The following TOR1AIP2 variants were observed in gnomAD, a reference collection of about 807,000 sequenced individuals.
TOR1AIP2 encodes torsin-1A-interacting protein 2.
In TOR1AIP2, 20 loss-of-function variants were observed where a neutral mutation model predicts 32.6. That is an observed-to-expected ratio of 0.61 (90% CI 0.43 to 0.89). The LOEUF (loss-of-function observed/expected upper bound fraction) is 0.89. TOR1AIP2 is among the 40% of genes least tolerant of loss of function. TOR1AIP2 has a pLI of 0.00. For missense variants in TOR1AIP2, 456 were observed against 553.8 expected (o/e 0.82, Z 1.77); for synonymous variants, 214 against 210.8 (o/e 1.02, Z -0.13).
intron 2 of TOR1AIP2, chr1:179,875,490 TTA>T (rs1279053648): frequency 6.6e-6 from 1 of 152,146 alleles, no homozygotes; most frequent in East Asian, 1.9e-4. Context: ...ACAGCTTCAT[TTA>T]TATAATTAAA....
rs1383987893 is a variant in TOR1AIP2, at chr1:179,846,625, C to A, written c.859G>T (p.Ala287Ser). ...GRKFLQKHLN[A>S]SNPTEPATII... ...GTGGCTGGCTCAGTGGGGTTGGAAG[C>A]ATTGAGGTGCTTCTGGAGAAACTTC... The change falls in exon 7 of 7, where the codon GCT becomes TCT. Residue 287 changes from alanine to serine, a missense_variant. Physicochemically the swap from Ala to Ser is moderately conservative, Grantham distance 99 (BLOSUM62 1). Coordinates refer to ENST00000609928, the MANE Select transcript of TOR1AIP2 (RefSeq NM_001199260.2). 1 of 1,614,062 alleles carries A rather than the reference C, an allele frequency of 6.2e-7. No homozygotes were observed. Among genetic ancestry groups the A allele is most frequent in the Admixed American group, 1.7e-5 (1 of 60,018 alleles).
chr1:179,850,713 G>T, intron 5 of TOR1AIP2, 132 bp downstream of exon 5: 1 of 1,103,264 alleles, frequency 9.1e-7, no homozygotes, highest in Non-Finnish European at 1.3e-6. Flanking sequence ...GTGTGAGCTT[G>T]GGCAAGGCCC....
chr1:179,875,689 C>A (rs1357286252), intron 2 of TOR1AIP2: 5 of 151,082 alleles, frequency 3.3e-5, no homozygotes, highest in Non-Finnish European at 5.9e-5. Context: ...ATTATGTGCA[C>A]AGTTCATACC....
rs1160751801 is a variant in TOR1AIP2, at chr1:179,843,761, C to T, written c.*2310G>A. ...GCTTGAGCCCAGGAGTTTAAAGCTA[C>T]AGTGAGCTATGATCAAGCCACAGCA... On this transcript the variant is annotated 3_prime_UTR_variant, in exon 7 of 7. Coordinates refer to ENST00000609928, the MANE Select transcript of TOR1AIP2 (RefSeq NM_001199260.2). The T allele has an allele frequency of 7.7e-6, 1 of 129,834 alleles. No homozygotes were observed. The highest frequency in any genetic ancestry group is 1.5e-5 in the Non-Finnish European group (1 of 65,208). 8.0% of individuals were successfully genotyped at this position (129,834 alleles called of 1,614,324 possible).
In TOR1AIP2 at chr1:179,865,538, G is replaced by A. The variant is rs1413916241; in HGVS notation, c.-249C>T. ...ATATTTTTCTTATGCGTCATCAGCT[G>A]CTGGTGGTGTCACACAGAGGCACTT... is the stretch of plus-strand genomic sequence containing the variant. On this transcript the variant is annotated 5_prime_UTR_variant, in exon 3 of 7. Transcript: ENST00000609928. 1 of 183,760 alleles carries A rather than the reference G, an allele frequency of 5.4e-6. No homozygotes were observed. The allele number at this position is 183,760 out of a possible 1,614,324, so 11.4% of individuals were successfully genotyped here.
At chr1:179,871,941 G>GA (rs1179042860) in intron 2 of TOR1AIP2, among the ~76,000 whole-genome samples, 5 of 152,090 alleles carry the variant, frequency 3.3e-5, no homozygotes, top group Non-Finnish European at 5.9e-5. Flanking sequence ...AATGCTCCTG[G>GA]AAAAAAGTCA....
At chr1:179,849,540 A>G (rs2148426468) in intron 5 of TOR1AIP2, among the ~76,000 whole-genome samples, 2 of 152,278 alleles carry the variant, frequency 1.3e-5, no homozygotes, top group South Asian at 2.1e-4. Context: ...AGATTTTTTT[A>G]AACAATATTT....
In TOR1AIP2 at chr1:179,846,401, A is replaced by C. The variant is rs143853678; in HGVS notation, c.1083T>G (p.Ala361=). The change falls in exon 7 of 7, where the codon GCT becomes GCG. Residue 361 remains alanine, a synonymous_variant. Transcript: ENST00000609928. The part of the protein sequence containing the change: ...LSYGFENGQK[A]AVVHHFESFP... The stretch of plus-strand genomic sequence containing the variant: ...AGGATTCGAAGTGGTGTACCACAGC[A>C]GCCTTCTGGCCATTCTCAAACCCAT... 16 of 1,614,096 alleles carry C rather than the reference A, an allele frequency of 9.9e-6. No homozygotes were observed. Among genetic ancestry groups the C allele is most frequent in the Admixed American group, 1.7e-5 (1 of 60,014 alleles).
chr1:179,870,410 A>G (rs1385094129), intron 2 of TOR1AIP2, among the ~76,000 whole-genome samples: 1 of 152,034 alleles, frequency 6.6e-6, no homozygotes, highest in African/African-American at 2.4e-5. Context: ...AAAAAAAAAA[A>G]AATTTTTTTT....
chr1:179,854,378 T>C (rs949684770), intron 3 of TOR1AIP2, among the ~76,000 whole-genome samples: 1 of 152,148 alleles, frequency 6.6e-6, no homozygotes, highest in East Asian at 1.9e-4. Flanking sequence ...CTCAAAACCA[T>C]TGATGCCAAT....
At chr1:179,849,547 A>AT (rs1167218469) in intron 5 of TOR1AIP2, among the ~76,000 whole-genome samples, 1 of 152,088 alleles carries the variant, frequency 6.6e-6, no homozygotes, top group African/African-American at 2.4e-5. Context: ...TTTAAACAAT[A>AT]TTTTTTCTAC....
At chr1:179,847,471 G>T in intron 6 of TOR1AIP2, 64 bp downstream of exon 6, 1 of 1,064,970 alleles carries the variant, frequency 9.4e-7, no homozygotes, top group South Asian at 1.3e-5. Flanking sequence ...TAGTTTTCTA[G>T]GCATTTTCAC....
At chr1:179,854,281 T>A (rs1358724049) in intron 3 of TOR1AIP2, among the ~76,000 whole-genome samples, 3 of 151,904 alleles carry the variant, frequency 2.0e-5, no homozygotes, top group Non-Finnish European at 4.4e-5. Context: ...AACACAACTT[T>A]AGAGAGAAAA....
chr1:179,876,629 C>T (rs1268815391), intron 2 of TOR1AIP2, among the ~76,000 whole-genome samples: 1 of 149,530 alleles, frequency 6.7e-6, no homozygotes, highest in Non-Finnish European at 1.5e-5. Context: ...CTTTTATATC[C>T]TCATCTTGTG....
chr1:179,846,700 A>G lies in TOR1AIP2; in HGVS notation c.784T>C (p.Leu262=). 1 of 1,614,168 alleles carries G rather than the reference A, an allele frequency of 6.2e-7. No homozygotes were observed. The highest frequency in any genetic ancestry group is 8.5e-7 in the Non-Finnish European group (1 of 1,180,028). The change falls in exon 7 of 7, where the codon TTG becomes CTG. Residue 262 remains leucine, a synonymous_variant. Coordinates refer to ENST00000609928, the MANE Select transcript of TOR1AIP2 (RefSeq NM_001199260.2). The stretch of plus-strand genomic sequence containing the variant: ...CTCTGGCCTGGAAATTTATCTTCCA[A>G]TTGGCTAAACTGGGCCAAAAAGGCC... ...LEAFLAQFSQ[L]EDKFPGQSSF...
chr1:179,862,162 TCTTA>T (rs1696562668), intron 3 of TOR1AIP2: 6 of 984,652 alleles, frequency 6.1e-6, no homozygotes, highest in South Asian at 4.7e-5. Context: ...TTTAATCTGA[TCTTA>T]CTATTTAATG....
At chr1:179,854,815 G>A (rs1391966909) in intron 3 of TOR1AIP2, among the ~76,000 whole-genome samples, 3 of 152,176 alleles carry the variant, frequency 2.0e-5, no homozygotes, top group African/African-American at 4.8e-5. Context: ...AGGTTGCAGT[G>A]AGCCCAGATT....
intron 3 of TOR1AIP2, 173 bp downstream of exon 3, chr1:179,865,263 C>T (rs886200244): frequency 6.8e-7 from 1 of 1,471,090 alleles, no homozygotes; most frequent in Non-Finnish European, 9.1e-7. Flanking sequence ...AGTCCTATTA[C>T]AGGTTTCGTT....
chr1:179,865,912 T>C (rs1696752953), intron 2 of TOR1AIP2, 58 bp from the exon 3 acceptor site: 1 of 152,666 alleles, frequency 6.6e-6, no homozygotes, highest in Non-Finnish European at 1.5e-5. Flanking sequence ...ACATTATTAT[T>C]AGAAACATGC....
Sources: gnomAD v4.1 joint callset for allele counts (sites outside exome capture counted in the v4.1 genomes callset) on GRCh38, gnomAD v4.1.1 for gene constraint, MANE v1.5 for transcripts, NCBI Gene and HGNC (gene_info 2026-07-23, HGNC 2026-07-21) for gene names.